Variants in CUX2 observed in about 807,000 individuals in gnomAD.
CUX2 encodes the protein homeobox protein cut-like 2.
A neutral mutation model predicts 144.8 loss-of-function variants in CUX2; 40 were observed. The observed-to-expected ratio is 0.28, with a 90% confidence interval of 0.21 to 0.36. CUX2 has a LOEUF of 0.36. Among genes scored for constraint, CUX2 ranks in the 10% least tolerant of loss-of-function variants. The probability of loss-of-function intolerance (pLI) is 1.00; values close to 1 mark genes in which losing one functional copy is unlikely to be tolerated. For synonymous variants in CUX2, 827 were observed against 875.6 expected, an observed-to-expected ratio of 0.94 and a Z score of 0.98; for missense variants, 1,615 against 1,994.0, an observed-to-expected ratio of 0.81 and a Z score of 3.62.
chr12:111,073,610 A>G (rs1871353615), intron 1 of CUX2, among the ~76,000 whole-genome samples: 1 of 152,096 alleles, frequency 6.6e-6, no homozygotes, highest in African/African-American at 2.4e-5. Flanking sequence ...GCTTAGCAGC[A>G]TCTCTGGCCT....
intron 1 of CUX2, among the ~76,000 whole-genome samples, chr12:111,191,367 T>G (rs940758084): frequency 6.6e-6 from 1 of 151,966 alleles, no homozygotes; most frequent in Admixed American, 6.5e-5. Context: ...AGTCTTGCTC[T>G]GTCACCCAGG....
At position 111,350,506 on chromosome 12, in the gene CUX2, AAG is replaced by A. The variant is rs1727977067; in HGVS notation, c.*2182_*2183del. The A allele has an allele frequency of 6.6e-6, 1 of 152,476 alleles. No homozygotes were observed. Among genetic ancestry groups the A allele is most frequent in the African/African-American group, 2.4e-5 (1 of 41,460 alleles). 9.4% of individuals were successfully genotyped at this position (152,476 alleles called of 1,614,324 possible). ...TGAACTTTGTTTAAAATTTTAAAAAAAGGAACACGTTCTGTAAACGAGTCGCT... is the reference window on the plus strand; with the variant it reads ...TGAACTTTGTTTAAAATTTTAAAAAAGAACACGTTCTGTAAACGAGTCGCT... On this transcript the variant is annotated 3_prime_UTR_variant, in exon 22 of 22. Transcript: ENST00000261726.
At chr12:111,127,652 G>A (rs1425770218) in intron 1 of CUX2, among the ~76,000 whole-genome samples, 1 of 152,216 alleles carries the variant, frequency 6.6e-6, no homozygotes, top group Non-Finnish European at 1.5e-5. Context: ...CACAGAGTAA[G>A]AAGCAAACAT....
intron 1 of CUX2, among the ~76,000 whole-genome samples, chr12:111,169,834 A>G (rs549472646): frequency 2.0e-5 from 3 of 152,308 alleles, no homozygotes; most frequent in African/African-American, 7.2e-5. Context: ...AGTCGATTAC[A>G]CACAGAGACG....
At chr12:111,119,288 G>A (rs1444561925) in intron 1 of CUX2, among the ~76,000 whole-genome samples, 1 of 152,114 alleles carries the variant, frequency 6.6e-6, no homozygotes, top group Non-Finnish European at 1.5e-5. Context: ...AGGGTAGCCT[G>A]CCCTGAGATT....
chr12:111,278,966 C>A (rs1885003056), intron 4 of CUX2, among the ~76,000 whole-genome samples: 1 of 152,168 alleles, frequency 6.6e-6, no homozygotes, highest in Non-Finnish European at 1.5e-5. Flanking sequence ...GCTCAGGGCT[C>A]CATGAATTCC....
chr12:111,230,200 GGGGGAGGGGAGGAAC>G (rs1446571883), intron 3 of CUX2, among the ~76,000 whole-genome samples: 10 of 150,548 alleles, frequency 6.6e-5, no homozygotes, highest in African/African-American at 1.2e-4. Context: ...GCAGGAGAGG[GGGGGAGGGGAGGAAC>G]GGGGAGGGGA....
At chr12:111,069,740 G>T (rs552669500) in intron 1 of CUX2, among the ~76,000 whole-genome samples, 2 of 152,178 alleles carry the variant, frequency 1.3e-5, no homozygotes, top group South Asian at 4.1e-4. Context: ...ACACCCATCA[G>T]ATTGAATTAG....
At chr12:111,063,202 C>T (rs545596819) in intron 1 of CUX2, among the ~76,000 whole-genome samples, 9 of 152,286 alleles carry the variant, frequency 5.9e-5, no homozygotes, top group Non-Finnish European at 1.2e-4. Flanking sequence ...AGCAATTTCC[C>T]TGGGCAGATG....
rs143615971 is a variant in CUX2, at chr12:111,282,061, C to T, written c.302-9357C>T. 4.4e-3 allele frequency among the ~76,000 whole-genome samples: 667 copies of T among 152,254 alleles called. 5 individuals carry two copies. Among genetic ancestry groups the T allele is most frequent in the African/African-American group, 0.015 (629 of 41,550 alleles). On this transcript the variant is annotated intron_variant, in intron 4 of 21. Transcript: ENST00000261726. The stretch of plus-strand genomic sequence containing the variant: ...CACAGGCCGGGTGTGGTGGCTCACA[C>T]CTGTAATCCCAGCGCTTTGGGAGGC...
intron 1 of CUX2, among the ~76,000 whole-genome samples, chr12:111,074,550 T>G (rs898962490): frequency 2.0e-5 from 3 of 151,980 alleles, no homozygotes; most frequent in Non-Finnish European, 4.4e-5. Context: ...GCCTGTGGCC[T>G]TCAGCTTGGA....
chr12:111,034,761 C>G lies in CUX2; in HGVS notation c.63+521C>G, dbSNP rs886282986. Among the ~76,000 whole-genome samples the G allele has an allele frequency of 3.3e-4, 50 of 150,292 alleles. No individual in the cohort carries two copies. The highest frequency in any genetic ancestry group is 1.2e-3 in the African/African-American group (49 of 41,364). ...GGAGGAGGAGAGAGGAGGAGGGAGC[C>G]GGGGTTGGCGAGGAGGCGGCTCCGC... On this transcript the variant is annotated intron_variant, in intron 1 of 21. Coordinates refer to ENST00000261726, the MANE Select transcript of CUX2 (RefSeq NM_015267.4). This position sits in a 1 kb window ranked among gnomAD's most constrained non-coding sequence, Gnocchi z 4.2.
At chr12:111,159,884 G>A (rs1266845501) in intron 1 of CUX2, among the ~76,000 whole-genome samples, 2 of 152,170 alleles carry the variant, frequency 1.3e-5, no homozygotes, top group African/African-American at 2.4e-5. Flanking sequence ...AATTAGCCAG[G>A]GAGGGTGATG....
chr12:111,338,054 A>G (rs541518727), intron 19 of CUX2, among the ~76,000 whole-genome samples: 1 of 151,664 alleles, frequency 6.6e-6, no homozygotes, highest in Admixed American at 6.6e-5. Context: ...AAAAAAAAAA[A>G]GCTCTTTTGT....
At chr12:111,053,770 G>A (rs1870390004) in intron 1 of CUX2, among the ~76,000 whole-genome samples, 1 of 152,146 alleles carries the variant, frequency 6.6e-6, no homozygotes, top group Non-Finnish European at 1.5e-5. Context: ...CGTATCAGAC[G>A]GTGAACTCAT....
At chr12:111,260,805 A>G (rs551110622) in intron 3 of CUX2, among the ~76,000 whole-genome samples, 1 of 152,248 alleles carries the variant, frequency 6.6e-6, no homozygotes, top group South Asian at 2.1e-4. Flanking sequence ...ACTTGTCCCC[A>G]CCCTTGCTCA....
intron 1 of CUX2, among the ~76,000 whole-genome samples, chr12:111,099,150 A>G (rs935171156): frequency 6.6e-6 from 1 of 152,146 alleles, no homozygotes; most frequent in Non-Finnish European, 1.5e-5. Flanking sequence ...AGCAGTGTGG[A>G]AGGAAGTGAC....
chr12:111,085,386 G>A (rs941037930), intron 1 of CUX2, among the ~76,000 whole-genome samples: 3 of 152,196 alleles, frequency 2.0e-5, no homozygotes, highest in South Asian at 2.1e-4. Flanking sequence ...CAGGTCATGC[G>A]GAGATCTGGG....
intron 1 of CUX2, among the ~76,000 whole-genome samples, chr12:111,101,721 TGA>T (rs913095442): frequency 1.3e-5 from 2 of 152,194 alleles, no homozygotes; most frequent in Non-Finnish European, 2.9e-5. Flanking sequence ...ACCTGTAAAA[TGA>T]GAGTCATAAC....
Sources: allele counts gnomAD v4.1 joint callset (sites outside exome capture counted in the v4.1 genomes callset), GRCh38; gene constraint gnomAD v4.1.1; non-coding constraint Gnocchi (gnomAD v3.1); transcripts MANE v1.5; gene names NCBI Gene and HGNC (gene_info 2026-07-23, HGNC 2026-07-21).